TENM4: variants seen among roughly 807,000 people sequenced by gnomAD.
TENM4 encodes the protein teneurin transmembrane protein 4.
Under a neutral mutation model 243.3 loss-of-function variants are expected in TENM4, and 82 were observed. That is an observed-to-expected ratio of 0.34 (90% CI 0.28 to 0.40). The LOEUF (loss-of-function observed/expected upper bound fraction) is 0.40. Among genes scored for constraint, TENM4 ranks in the 10% least tolerant of loss-of-function variants. The probability of loss-of-function intolerance (pLI) is 1.00; values close to 1 mark genes in which losing one functional copy is unlikely to be tolerated. For synonymous variants in TENM4, 1,412 were observed against 1,456.3 expected (o/e 0.97, Z 0.69); for missense variants, 3,138 against 3,673.3 (o/e 0.85, Z 3.77).
In TENM4 at chr11:78,903,575, G is replaced by C. The variant is rs571278924; in HGVS notation, c.494-52C>G. The C allele has an allele frequency of 3.3e-6, 5 of 1,537,928 alleles. No homozygotes were observed. The African/African-American group carries it at 6.9e-5, about 21-fold the overall frequency. On this transcript the variant is annotated intron_variant, in intron 6 of 33. Transcript: ENST00000278550. ...GCGGTGAGCTTGGTGCTGCCCCTCGGCTGGAAAAGCAGCCACGGAGGTCTG... is the reference window on the plus strand; with the variant it reads ...GCGGTGAGCTTGGTGCTGCCCCTCGCCTGGAAAAGCAGCCACGGAGGTCTG...
intron 22 of TENM4, 102 bp from the exon 23 acceptor site, chr11:78,726,324 G>GA: frequency 7.3e-7 from 1 of 1,366,060 alleles, no homozygotes. Flanking sequence ...TGTAGAAGAG[G>GA]AAAAAAGGGT....
intron 4 of TENM4, among the ~76,000 whole-genome samples, chr11:79,080,666 C>G (rs909018649): frequency 3.9e-5 from 6 of 152,214 alleles, no homozygotes; most frequent in African/African-American, 1.4e-4. Flanking sequence ...GCCAGACCCA[C>G]TGGGGCCCCA....
At position 78,805,348 on chromosome 11, in the gene TENM4, G is replaced by A. The variant is rs924989886; in HGVS notation, c.2123C>T (p.Pro708Leu). 5.4e-6 allele frequency: 6 copies of A among 1,112,322 alleles called. No individual in the cohort carries two copies. The highest frequency in any genetic ancestry group is 2.8e-5 in the Admixed American group (1 of 35,156). 68.9% of individuals were successfully genotyped at this position (1,112,322 alleles called of 1,614,324 possible). ...GTCACAGCTGCAAAGCCCGGTGTCC[G>A]GGAGGAAGGTTCCGTGGCCTGAACA... ...DQCSGHGTFLPDTGLCSCDPS... is the reference protein window; with the variant it reads ...DQCSGHGTFLLDTGLCSCDPS... Residue 708 changes from proline to leucine, a missense_variant, in exon 15 of 34, where the codon CCG becomes CTG. Physicochemically the swap from Pro to Leu is moderately conservative, Grantham distance 98. This residue lies in a region of TENM4 where 2,467 missense variants were observed against 3,059.1 expected (regional missense o/e 0.81). Transcript: ENST00000278550.
At chr11:79,336,201 A>T (rs1161814407) in intron 1 of TENM4, among the ~76,000 whole-genome samples, 3 of 152,146 alleles carry the variant, frequency 2.0e-5, no homozygotes, top group Admixed American at 2.0e-4. Flanking sequence ...GAGGGGTGGG[A>T]AGGAGGTATG....
intron 3 of TENM4, among the ~76,000 whole-genome samples, chr11:79,200,598 A>C (rs1046197044): frequency 3.3e-5 from 5 of 152,248 alleles, no homozygotes; most frequent in African/African-American, 1.2e-4. Flanking sequence ...CTTAAGGGAC[A>C]CGGGCATCCA....
intron 6 of TENM4, among the ~76,000 whole-genome samples, chr11:79,004,474 T>C (rs1858421192): frequency 1.3e-5 from 2 of 152,112 alleles, no homozygotes; most frequent in South Asian, 4.1e-4. Flanking sequence ...CACAAAACCA[T>C]ACAATTACAT....
chr11:78,787,167 A>T lies in TENM4; in HGVS notation c.2180-84T>A. The T allele has an allele frequency of 2.1e-6, 3 of 1,412,450 alleles. No individual in the cohort carries two copies. In the South Asian group the frequency reaches 4.4e-5, roughly 21 times the overall value. The allele number at this position is 1,412,450 out of a possible 1,614,324, so 87.5% of individuals were successfully genotyped here. On this transcript the variant is annotated intron_variant, in intron 15 of 33. Coordinates refer to ENST00000278550, the MANE Select transcript of TENM4 (RefSeq NM_001098816.3). ...GAGGGGCAGGGGAGAGAGGAGAGAG[A>T]AAAACAACAAGTATTGAGCAAGTTA...
chr11:79,004,959 A>G (rs956007170), intron 6 of TENM4, among the ~76,000 whole-genome samples: 1 of 148,622 alleles, frequency 6.7e-6, no homozygotes, highest in African/African-American at 2.6e-5. Flanking sequence ...AAAAAAAAAA[A>G]AACAACTCTG....
chr11:79,328,012 C>T (rs1206317835), intron 1 of TENM4, among the ~76,000 whole-genome samples: 3 of 152,168 alleles, frequency 2.0e-5, no homozygotes, highest in Non-Finnish European at 2.9e-5. Flanking sequence ...GGTACATAAG[C>T]ATGGGGAGAT....
intron 14 of TENM4, among the ~76,000 whole-genome samples, chr11:78,810,545 T>C (rs1011629203): frequency 2.8e-4 from 43 of 152,160 alleles, no homozygotes; most frequent in African/African-American, 1.0e-3. Context: ...AGGTCACCAT[T>C]CTCTGGATAA....
intron 9 of TENM4, among the ~76,000 whole-genome samples, chr11:78,876,029 C>T (rs905060927): frequency 2.6e-5 from 4 of 152,128 alleles, no homozygotes; most frequent in African/African-American, 7.2e-5. Flanking sequence ...AGAGGCAGCA[C>T]GGTCTGCATA....
At chr11:79,238,412 A>G (rs753966196) in intron 2 of TENM4, among the ~76,000 whole-genome samples, 29 of 152,270 alleles carry the variant, frequency 1.9e-4, no homozygotes, top group Non-Finnish European at 4.0e-4. Flanking sequence ...AATAGAACAA[A>G]AAGGCAGAGG....
Position 78,654,375 on chromosome 11 carries a change from G to T in TENM4, c.*3683C>A, listed in dbSNP as rs768243290. Reference sequence around the variant, plus strand: ...GGCCACCACAAATACAAGACTGCAAGTGGTAAAACTGCATTCTAAGATTTC... The same window carrying T: ...GGCCACCACAAATACAAGACTGCAATTGGTAAAACTGCATTCTAAGATTTC... On this transcript the variant is annotated 3_prime_UTR_variant, in exon 34 of 34. Transcript: ENST00000278550. 6.6e-6 allele frequency: 1 copy of T among 152,212 alleles called. No homozygotes were observed. Among genetic ancestry groups the T allele is most frequent in the African/African-American group, 2.4e-5 (1 of 41,450 alleles). 9.4% of individuals were successfully genotyped at this position (152,212 alleles called of 1,614,324 possible). A position where few individuals can be genotyped will look rare whatever the true frequency, so the allele number is the denominator to read the frequency against.
At chr11:78,712,422 T>C in intron 26 of TENM4, 60 bp downstream of exon 26, 1 of 1,533,718 alleles carries the variant, frequency 6.5e-7, no homozygotes, top group Non-Finnish European at 8.9e-7. Flanking sequence ...TGCATGTTTT[T>C]CTGAAAAGGA....
chr11:79,026,902 G>T (rs145794233), intron 6 of TENM4, among the ~76,000 whole-genome samples: 3 of 152,126 alleles, frequency 2.0e-5, no homozygotes, highest in Non-Finnish European at 2.9e-5. Flanking sequence ...CCTGTGCAAA[G>T]CTGGCCACTC....
chr11:78,760,919 T>C (rs1489978940), intron 18 of TENM4, among the ~76,000 whole-genome samples: 1 of 152,260 alleles, frequency 6.6e-6, no homozygotes, highest in African/African-American at 2.4e-5. Flanking sequence ...GGGTCATAAA[T>C]TATCTTACTT....
chr11:78,752,468 GAGA>G (rs1169369636), intron 19 of TENM4, among the ~76,000 whole-genome samples: 3 of 152,240 alleles, frequency 2.0e-5, no homozygotes, highest in Non-Finnish European at 4.4e-5. Flanking sequence ...AATCTGCAGA[GAGA>G]AGGAGCTCCA....
intron 6 of TENM4, among the ~76,000 whole-genome samples, chr11:78,912,973 T>G (rs1053096052): frequency 6.6e-6 from 1 of 152,248 alleles, no homozygotes; most frequent in African/African-American, 2.4e-5. Context: ...GCAAAACACT[T>G]AACCTATCTG....
chr11:78,723,971 ACTTT>A (rs886322833), intron 23 of TENM4, among the ~76,000 whole-genome samples: 4 of 151,944 alleles, frequency 2.6e-5, no homozygotes, highest in Non-Finnish European at 4.4e-5. Flanking sequence ...TTAATTAACT[ACTTT>A]CTTTCTTTTC....
Sources: allele counts gnomAD v4.1 joint callset (sites outside exome capture counted in the v4.1 genomes callset), GRCh38; gene constraint gnomAD v4.1.1; regional missense constraint gnomAD v4.1.1; transcripts MANE v1.5; gene names NCBI Gene and HGNC (gene_info 2026-07-23, HGNC 2026-07-21).